Variants in TCF7L1 observed in about 807,000 individuals in gnomAD.
TCF7L1 encodes the protein transcription factor 7 like 1.
TCF7L1 carries 18 observed loss-of-function variants against 63.7 expected under a neutral mutation model. The ratio of observed to expected loss-of-function variants is 0.28; its 90% CI spans 0.20 to 0.42. The LOEUF (loss-of-function observed/expected upper bound fraction) is 0.42, where lower values mean the gene tolerates loss of function less well. Ranked by LOEUF, TCF7L1 falls within the 10% of genes least tolerant of loss-of-function variation. The pLI, the probability that TCF7L1 is intolerant of heterozygous loss-of-function variation, is 1.00. For synonymous variants in TCF7L1, 355 were observed against 340.9 expected (o/e 1.04, Z -0.46); for missense variants, 654 against 779.3 (o/e 0.84, Z 1.91).
chr2:85,231,143 G>A (rs1451031771), intron 3 of TCF7L1, among the ~76,000 whole-genome samples: 2 of 152,178 alleles, frequency 1.3e-5, no homozygotes, highest in East Asian at 3.9e-4. Flanking sequence ...GGTCTAATGT[G>A]CGCCCCCAGG....
At chr2:85,304,140 C>G in intron 6 of TCF7L1, 115 bp from the exon 7 acceptor site, 2 of 1,285,472 alleles carry the variant, frequency 1.6e-6, no homozygotes, top group Non-Finnish European at 2.2e-6. Context: ...GCAGCGTGCT[C>G]CCAGCATTAC....
intron 3 of TCF7L1, chr2:85,186,271 G>C (rs1333279582): frequency 3.9e-5 from 6 of 152,126 alleles, no homozygotes; most frequent in Non-Finnish European, 1.5e-5. Flanking sequence ...CCGGCCGCAG[G>C]GGACTTTATT....
At chr2:85,224,881 T>TA (rs1210209186) in intron 3 of TCF7L1, among the ~76,000 whole-genome samples, 1 of 152,224 alleles carries the variant, frequency 6.6e-6, no homozygotes, top group Non-Finnish European at 1.5e-5. Context: ...TGGTATTGCC[T>TA]AGGTTTTCTT....
chr2:85,286,482 G>T (rs1304399760), intron 4 of TCF7L1, among the ~76,000 whole-genome samples: 1 of 152,048 alleles, frequency 6.6e-6, no homozygotes, highest in East Asian at 1.9e-4. Flanking sequence ...TTTGAGACCA[G>T]TCTGGGCAAC....
Position 85,187,871 on chromosome 2 carries a change from A to T in TCF7L1, c.441+53421A>T, listed in dbSNP as rs138697903. ...AACACCTTCATTCAAAATAGCCTCA[A>T]TCTGGAAACTATCCAGATGTTCTTC... On this transcript the variant is annotated intron_variant, in intron 3 of 11. Transcript: ENST00000282111. Among the ~76,000 whole-genome samples the T allele has an allele frequency of 7.9e-5, 12 of 152,324 alleles. No individual in the cohort carries two copies. In the East Asian group the frequency reaches 2.3e-3, roughly 29 times the overall value.
intron 3 of TCF7L1, among the ~76,000 whole-genome samples, chr2:85,255,257 A>G (rs1012233472): frequency 6.6e-6 from 1 of 152,172 alleles, no homozygotes; most frequent in African/African-American, 2.4e-5. Context: ...AGGGTGCATG[A>G]GCATCACCTG....
intron 4 of TCF7L1, among the ~76,000 whole-genome samples, chr2:85,301,348 A>C (rs1681968231): frequency 6.6e-6 from 1 of 152,220 alleles, no homozygotes; most frequent in African/African-American, 2.4e-5. Flanking sequence ...GAATGGGGGT[A>C]ATCACAGCTT....
chr2:85,159,977 T>A (rs1453365739), intron 3 of TCF7L1, among the ~76,000 whole-genome samples: 2 of 152,198 alleles, frequency 1.3e-5, no homozygotes, highest in African/African-American at 4.8e-5. Flanking sequence ...CCTGGGACAC[T>A]GTCACATGGT....
At chr2:85,139,086 G>A (rs1164824935) in intron 3 of TCF7L1, among the ~76,000 whole-genome samples, 2 of 151,480 alleles carry the variant, frequency 1.3e-5, no homozygotes, top group Admixed American at 1.3e-4. Context: ...TTGGCTCACT[G>A]CAACCTCCAC....
intron 4 of TCF7L1, among the ~76,000 whole-genome samples, chr2:85,297,551 C>T (rs556158238): frequency 1.3e-5 from 2 of 152,336 alleles, no homozygotes; most frequent in African/African-American, 4.8e-5. Flanking sequence ...TCAGGCCAGG[C>T]GCAGTGCCTC....
At chr2:85,268,554 A>C (rs1387516989) in intron 3 of TCF7L1, among the ~76,000 whole-genome samples, 2 of 148,514 alleles carry the variant, frequency 1.3e-5, no homozygotes, top group African/African-American at 4.9e-5. Flanking sequence ...GTTCACTGCA[A>C]CCTCTGCCTC....
At chr2:85,204,638 A>G (rs937152696) in intron 3 of TCF7L1, among the ~76,000 whole-genome samples, 4 of 152,062 alleles carry the variant, frequency 2.6e-5, no homozygotes, top group African/African-American at 9.7e-5. Context: ...ACTTCAGCCT[A>G]CCAAGTAGTT....
chr2:85,197,507 G>A (rs1013847763), intron 3 of TCF7L1, among the ~76,000 whole-genome samples: 1 of 152,144 alleles, frequency 6.6e-6, no homozygotes, highest in African/African-American at 2.4e-5. Context: ...ACACTGATGC[G>A]ACTAAAGGCT....
rs779858555 is a variant in TCF7L1, at chr2:85,133,977, G to A, written c.250-39G>A. ...CACCCCCGGGGGATCCCGGCCCTGC[G>A]TCCGCTCACCCGCTCTTGCCTTTGT... is the stretch of plus-strand genomic sequence containing the variant. On this transcript the variant is annotated intron_variant, in intron 1 of 11. Transcript: ENST00000282111. This position sits in a 1 kb window ranked among gnomAD's most constrained non-coding sequence, Gnocchi z 4.4. 2 of 1,593,198 alleles carry A rather than the reference G, an allele frequency of 1.3e-6. No homozygotes were observed. Among genetic ancestry groups the A allele is most frequent in the Admixed American group, 3.4e-5 (2 of 58,566 alleles).
intron 3 of TCF7L1, among the ~76,000 whole-genome samples, chr2:85,173,613 C>T (rs1207716652): frequency 1.3e-5 from 2 of 152,318 alleles, no homozygotes; most frequent in South Asian, 2.1e-4. Context: ...ATCGAAGTCT[C>T]CTAAACTCAA....
At chr2:85,223,431 T>C (rs1050254573) in intron 3 of TCF7L1, among the ~76,000 whole-genome samples, 6 of 152,120 alleles carry the variant, frequency 3.9e-5, no homozygotes, top group Non-Finnish European at 8.8e-5. Flanking sequence ...TTAGAGTGTT[T>C]GGTGGATGGT....
intron 3 of TCF7L1, among the ~76,000 whole-genome samples, chr2:85,205,339 G>A (rs1278982007): frequency 6.6e-6 from 1 of 152,158 alleles, no homozygotes; most frequent in Non-Finnish European, 1.5e-5. Flanking sequence ...GTTGAAGGTC[G>A]TGAGTGAACT....
intron 3 of TCF7L1, among the ~76,000 whole-genome samples, chr2:85,151,425 C>T (rs1343839006): frequency 1.3e-5 from 2 of 152,086 alleles, no homozygotes; most frequent in African/African-American, 4.8e-5. Context: ...CCTTTTTTAA[C>T]TTATTTTTGC....
At chr2:85,279,862 C>T (rs1157839415) in intron 3 of TCF7L1, among the ~76,000 whole-genome samples, 1 of 152,188 alleles carries the variant, frequency 6.6e-6, no homozygotes, top group Non-Finnish European at 1.5e-5. Context: ...TTTTCCCTCA[C>T]ACTGCCTGAC....
Sources: allele counts gnomAD v4.1 joint callset (sites outside exome capture counted in the v4.1 genomes callset), GRCh38; gene constraint gnomAD v4.1.1; non-coding constraint Gnocchi (gnomAD v3.1); transcripts MANE v1.5; gene names NCBI Gene and HGNC (gene_info 2026-07-23, HGNC 2026-07-21).